The following NRXN3 variants were observed in gnomAD, a reference collection of about 807,000 sequenced individuals.
The protein encoded by NRXN3 is neurexin 3, also known as neurexin III.
NRXN3 carries 32 observed loss-of-function variants against 137.6 expected under a neutral mutation model. That is an observed-to-expected ratio of 0.23 (90% CI 0.18 to 0.31). NRXN3 has a LOEUF of 0.31. Ranked by LOEUF, NRXN3 falls within the 10% of genes least tolerant of loss-of-function variation. NRXN3 has a pLI of 1.00. For missense variants in NRXN3, 1,574 were observed against 2,062.5 expected, an observed-to-expected ratio of 0.76 and a Z score of 4.59; for synonymous variants, 798 against 784.5, an observed-to-expected ratio of 1.02 and a Z score of -0.29.
intron 19 of NRXN3, among the ~76,000 whole-genome samples, chr14:79,749,262 G>T (rs2098989566): frequency 6.6e-6 from 1 of 152,182 alleles, no homozygotes; most frequent in Non-Finnish European, 1.5e-5. Flanking sequence ...GCTCACATTT[G>T]TCTTTGGGGT....
chr14:78,741,164 T>G (rs2098568497), intron 8 of NRXN3, among the ~76,000 whole-genome samples: 1 of 152,136 alleles, frequency 6.6e-6, no homozygotes, highest in African/African-American at 2.4e-5. Context: ...AGAGGAGAAG[T>G]GTGATATCTT....
intron 15 of NRXN3, among the ~76,000 whole-genome samples, chr14:79,074,287 A>G (rs1157613176): frequency 6.6e-6 from 1 of 152,250 alleles, no homozygotes; most frequent in Non-Finnish European, 1.5e-5. Context: ...GGGTAATTTT[A>G]ATGATCAAAA....
At chr14:79,569,851 C>T (rs564766223) in intron 16 of NRXN3, among the ~76,000 whole-genome samples, 234 of 152,146 alleles carry the variant, frequency 1.5e-3, no homozygotes, top group African/African-American at 5.1e-3. Flanking sequence ...TCAAGTGATC[C>T]GCCCACCTCA....
intron 4 of NRXN3, among the ~76,000 whole-genome samples, chr14:78,622,450 G>T (rs1166786790): frequency 1.3e-5 from 2 of 152,158 alleles, no homozygotes; most frequent in African/African-American, 4.8e-5. Flanking sequence ...TGATACTACA[G>T]ATCCATTTCA....
In NRXN3 at chr14:79,202,839, CAT is replaced by C. The variant is rs375852883; in HGVS notation, c.3262+214699_3262+214700del. Among the ~76,000 whole-genome samples, 556 of 152,206 alleles carry C rather than the reference CAT, an allele frequency of 3.7e-3. 2 individuals carry two copies. Among genetic ancestry groups the C allele is most frequent in the African/African-American group, 0.012 (484 of 41,522 alleles). ...CAATTGTGAGTTGTACTGCTATAAA[CAT>C]GTGTGTGCAAGAATCTTTTTCATAT... On this transcript the variant is annotated intron_variant, in intron 15 of 20. Transcript: ENST00000335750.
intron 15 of NRXN3, among the ~76,000 whole-genome samples, chr14:79,415,497 G>A (rs2095483516): frequency 6.6e-6 from 1 of 152,118 alleles, no homozygotes; most frequent in Admixed American, 6.6e-5. Flanking sequence ...TTTCATGGGA[G>A]GGTCTTGAAC....
chr14:78,600,319 A>G (rs1566856354), intron 4 of NRXN3, among the ~76,000 whole-genome samples: 1 of 152,192 alleles, frequency 6.6e-6, no homozygotes, highest in Non-Finnish European at 1.5e-5. Context: ...GCCCCACCTT[A>G]TAGATATGTA....
At chr14:79,541,002 C>T (rs2097266812) in intron 16 of NRXN3, among the ~76,000 whole-genome samples, 1 of 152,186 alleles carries the variant, frequency 6.6e-6, no homozygotes, top group South Asian at 2.1e-4. Flanking sequence ...TGAATCCCTT[C>T]CATGCCTCTC....
At chr14:79,502,590 C>T (rs903240916) in intron 16 of NRXN3, among the ~76,000 whole-genome samples, 2 of 149,878 alleles carry the variant, frequency 1.3e-5, no homozygotes, top group African/African-American at 4.9e-5. Context: ...CTAATGTAAA[C>T]CCAGGCTTTC....
At chr14:78,713,321 A>C (rs1453740005) in intron 7 of NRXN3, among the ~76,000 whole-genome samples, 1 of 152,082 alleles carries the variant, frequency 6.6e-6, no homozygotes, top group Non-Finnish European at 1.5e-5. Flanking sequence ...TATTCTAGCC[A>C]CACATCTGCC....
At chr14:78,671,632 G>C (rs2097936902) in intron 6 of NRXN3, among the ~76,000 whole-genome samples, 1 of 151,854 alleles carries the variant, frequency 6.6e-6, no homozygotes, top group Non-Finnish European at 1.5e-5. Context: ...TTTTTCAGTT[G>C]CTCTAAATTT....
In NRXN3 at chr14:78,312,807, C is replaced by A. The variant is rs567742750; in HGVS notation, c.757+14947C>A. ...AGACTGTTTTGATCACGAGGGCTCTCAAGTGTCAAAGTCATTTGTAGAACT... is the reference window on the plus strand; with the variant it reads ...AGACTGTTTTGATCACGAGGGCTCTAAAGTGTCAAAGTCATTTGTAGAACT... On this transcript the variant is annotated intron_variant, in intron 4 of 20. Coordinates refer to ENST00000335750, the MANE Select transcript of NRXN3 (RefSeq NM_001330195.2). 5.3e-5 allele frequency among the ~76,000 whole-genome samples: 8 copies of A among 152,196 alleles called. No homozygotes were observed. The East Asian group carries it at 1.5e-3, about 29-fold the overall frequency.
At chr14:78,964,437 A>G (rs1177617289) in intron 11 of NRXN3, among the ~76,000 whole-genome samples, 7 of 152,214 alleles carry the variant, frequency 4.6e-5, no homozygotes, top group Non-Finnish European at 1.0e-4. Context: ...ACATTTCTGA[A>G]GGCAGCTTGC....
intron 4 of NRXN3, among the ~76,000 whole-genome samples, chr14:78,632,309 T>C (rs2097529821): frequency 6.6e-6 from 1 of 152,196 alleles, no homozygotes; most frequent in South Asian, 2.1e-4. Context: ...GTTGAGCAGA[T>C]ACAGGTTCCT....
chr14:78,640,155 G>T (rs1446826026), intron 4 of NRXN3, among the ~76,000 whole-genome samples: 1 of 152,100 alleles, frequency 6.6e-6, no homozygotes, highest in Non-Finnish European at 1.5e-5. Context: ...CCTCTCTTAG[G>T]TTGTTCTGCT....
At chr14:78,300,929 G>T (rs1302942518) in intron 4 of NRXN3, among the ~76,000 whole-genome samples, 1 of 152,168 alleles carries the variant, frequency 6.6e-6, no homozygotes, top group East Asian at 1.9e-4. Flanking sequence ...ACTGAGGGCG[G>T]GCCTTCTGCA....
chr14:78,203,288 C>T (rs1003025332), intron 1 of NRXN3, among the ~76,000 whole-genome samples: 3 of 152,122 alleles, frequency 2.0e-5, no homozygotes, highest in African/African-American at 7.2e-5. Flanking sequence ...TTCCTGGGGC[C>T]CAGGGGCAAT....
intron 4 of NRXN3, among the ~76,000 whole-genome samples, chr14:78,510,039 T>TA (rs544406917): frequency 1.7e-5 from 2 of 120,814 alleles, no homozygotes; most frequent in Admixed American, 8.8e-5. Context: ...ATGACAAAAT[T>TA]TTATATATAT....
intron 1 of NRXN3, among the ~76,000 whole-genome samples, chr14:78,205,240 G>A (rs377379883): frequency 1.9e-4 from 29 of 152,350 alleles, no homozygotes; most frequent in South Asian, 6.2e-4. Context: ...ACAATGACAA[G>A]CATAATGGGG....
Sources: allele counts gnomAD v4.1 joint callset (sites outside exome capture counted in the v4.1 genomes callset), GRCh38; gene constraint gnomAD v4.1.1; transcripts MANE v1.5; gene names NCBI Gene and HGNC (gene_info 2026-07-23, HGNC 2026-07-21).